Variants in ARHGAP42 observed in about 807,000 individuals in gnomAD.
The protein encoded by ARHGAP42 is rho GTPase-activating protein 42.
ARHGAP42 carries 63 observed loss-of-function variants against 125.0 expected under a neutral mutation model. The observed-to-expected ratio is 0.50, with a 90% CI of 0.41 to 0.62. The LOEUF is 0.62. ARHGAP42 is among the 20% of genes least tolerant of loss of function. The pLI is 0.00. For missense variants in ARHGAP42, 766 were observed against 1,024.2 expected (o/e 0.75, Z 3.44); for synonymous variants, 339 against 351.0 (o/e 0.97, Z 0.38).
At chr11:100,708,622 A>G (rs993057266) in intron 1 of ARHGAP42, among the ~76,000 whole-genome samples, 1 of 152,232 alleles carries the variant, frequency 6.6e-6, no homozygotes, top group African/African-American at 2.4e-5. Flanking sequence ...TAACATCACT[A>G]TTAAAAATAT....
intron 4 of ARHGAP42, among the ~76,000 whole-genome samples, chr11:100,866,440 T>C (rs1254477351): frequency 6.6e-6 from 1 of 152,194 alleles, no homozygotes; most frequent in Non-Finnish European, 1.5e-5. Flanking sequence ...GAAATCACTG[T>C]CTATGACAAT....
In ARHGAP42 at chr11:100,695,632, G is replaced by T. The variant is rs76307228; in HGVS notation, c.154+7800G>T. On this transcript the variant is annotated intron_variant, in intron 1 of 23. Coordinates refer to ENST00000298815, the MANE Select transcript of ARHGAP42 (RefSeq NM_152432.4). ...TAGGATTCATTTAACCAGAATATTTGGTTAATCAGAATACTCCATTCTTTT... is the reference window on the plus strand; with the variant it reads ...TAGGATTCATTTAACCAGAATATTTTGTTAATCAGAATACTCCATTCTTTT... Among the ~76,000 whole-genome samples, 839 of 152,110 alleles carry T rather than the reference G, an allele frequency of 5.5e-3. 5 individuals carry two copies. The highest frequency in any genetic ancestry group is 0.02 in the African/African-American group (814 of 41,496).
At chr11:100,894,800 C>T (rs529589675) in intron 4 of ARHGAP42, among the ~76,000 whole-genome samples, 1 of 152,258 alleles carries the variant, frequency 6.6e-6, no homozygotes, top group South Asian at 2.1e-4. Context: ...AAGGACAAAG[C>T]AGTGCTAAGA....
chr11:100,732,572 A>G (rs995084435), intron 1 of ARHGAP42, among the ~76,000 whole-genome samples: 1 of 152,096 alleles, frequency 6.6e-6, no homozygotes, highest in Non-Finnish European at 1.5e-5. Flanking sequence ...AAGCATATCA[A>G]CTGACTTCTC....
chr11:100,878,481 G>T (rs1865876038), intron 4 of ARHGAP42, among the ~76,000 whole-genome samples: 1 of 152,158 alleles, frequency 6.6e-6, no homozygotes, highest in South Asian at 2.1e-4. Flanking sequence ...TGCTTAGAAA[G>T]ATTCCTCAGC....
intron 6 of ARHGAP42, among the ~76,000 whole-genome samples, chr11:100,922,277 T>C (rs1176141495): frequency 1.3e-5 from 2 of 152,194 alleles, no homozygotes; most frequent in African/African-American, 4.8e-5. Flanking sequence ...TGAAGTCATT[T>C]ATTTTCCTAA....
intron 1 of ARHGAP42, among the ~76,000 whole-genome samples, chr11:100,720,521 G>A (rs1345236640): frequency 6.6e-6 from 1 of 151,996 alleles, no homozygotes; most frequent in African/African-American, 2.4e-5. Flanking sequence ...GGGGGAAAAA[G>A]GCCCAAGATA....
At chr11:100,776,837 G>T (rs758021222) in intron 2 of ARHGAP42, among the ~76,000 whole-genome samples, 1 of 152,024 alleles carries the variant, frequency 6.6e-6, no homozygotes, top group Non-Finnish European at 1.5e-5. Context: ...ACAAAAATGA[G>T]CTGGGCATGA....
intron 19 of ARHGAP42, among the ~76,000 whole-genome samples, chr11:100,975,279 T>G (rs1324298122): frequency 6.6e-6 from 1 of 152,212 alleles, no homozygotes; most frequent in African/African-American, 2.4e-5. Context: ...ATTACCATGA[T>G]GTGCTTATTT....
chr11:100,937,150 G>T (rs147276385), intron 8 of ARHGAP42, among the ~76,000 whole-genome samples: 1 of 152,290 alleles, frequency 6.6e-6, no homozygotes, highest in East Asian at 1.9e-4. Flanking sequence ...AGCAGACTCT[G>T]CAAACATTTA....
intron 1 of ARHGAP42, among the ~76,000 whole-genome samples, chr11:100,766,104 A>G (rs489600): frequency 0.014 from 2,070 of 152,300 alleles, 38 homozygotes; most frequent in African/African-American, 0.045. Flanking sequence ...TAACTCTTCC[A>G]TATGAAAACA....
chr11:100,771,794 G>T (rs564688866), intron 2 of ARHGAP42, among the ~76,000 whole-genome samples: 1 of 152,096 alleles, frequency 6.6e-6, no homozygotes, highest in African/African-American at 2.4e-5. Flanking sequence ...GTAGAGACGG[G>T]GTTTCACTAT....
chr11:100,880,823 T>G (rs902859265), intron 4 of ARHGAP42, among the ~76,000 whole-genome samples: 4 of 152,252 alleles, frequency 2.6e-5, no homozygotes, highest in African/African-American at 9.6e-5. Context: ...ACTGTGGTTT[T>G]GATTTGCATT....
intron 1 of ARHGAP42, among the ~76,000 whole-genome samples, chr11:100,723,402 A>G (rs567282509): frequency 5.4e-4 from 82 of 152,338 alleles, no homozygotes; most frequent in Admixed American, 3.6e-3. Context: ...AAGTCTTCCT[A>G]TCTAGAAACA....
intron 2 of ARHGAP42, among the ~76,000 whole-genome samples, chr11:100,775,492 A>G (rs980136658): frequency 1.3e-5 from 2 of 152,228 alleles, no homozygotes; most frequent in African/African-American, 4.8e-5. Context: ...ATGGGAATTG[A>G]TAACGTTCCA....
chr11:100,929,646 A>G (rs1867521615), intron 6 of ARHGAP42, among the ~76,000 whole-genome samples: 1 of 152,050 alleles, frequency 6.6e-6, no homozygotes, highest in Non-Finnish European at 1.5e-5. Context: ...TTTGATTTCG[A>G]TTTCTCTGAT....
intron 4 of ARHGAP42, among the ~76,000 whole-genome samples, chr11:100,912,313 T>C (rs946953191): frequency 1.6e-4 from 24 of 152,172 alleles, no homozygotes; most frequent in African/African-American, 5.8e-4. Context: ...CATCTATTCA[T>C]TGATTATTTT....
At chr11:100,794,075 C>CAAAAAA (rs869272420) in intron 2 of ARHGAP42, among the ~76,000 whole-genome samples, 2 of 44,844 alleles carry the variant, frequency 4.5e-5, no homozygotes, top group African/African-American at 1.4e-4. Flanking sequence ...GACCCTGTCT[C>CAAAAAA]AAAAAAAAAA....
chr11:100,722,636 G>T (rs951443055), intron 1 of ARHGAP42, among the ~76,000 whole-genome samples: 1 of 152,082 alleles, frequency 6.6e-6, no homozygotes, highest in Non-Finnish European at 1.5e-5. Context: ...TGATGCGCCC[G>T]CCTTGGCCTC....
Sources: allele counts gnomAD v4.1 joint callset (sites outside exome capture counted in the v4.1 genomes callset), GRCh38; gene constraint gnomAD v4.1.1; transcripts MANE v1.5; gene names NCBI Gene and HGNC (gene_info 2026-07-23, HGNC 2026-07-21).